GOLM1: variants seen among roughly 807,000 people sequenced by gnomAD.
The protein encoded by GOLM1 is epididymis luminal protein 46.
In GOLM1, 31 loss-of-function variants were observed where a neutral mutation model predicts 50.5. The ratio of observed to expected loss-of-function variants is 0.61; its 90% CI spans 0.46 to 0.83. The LOEUF is 0.83. GOLM1 is among the 40% of genes least tolerant of loss of function. The pLI, the probability that GOLM1 is intolerant of heterozygous loss-of-function variation, is 0.00. For synonymous variants in GOLM1, 178 were observed against 192.8 expected (o/e 0.92, Z 0.64); for missense variants, 491 against 501.3 (o/e 0.98, Z 0.20).
intron 6 of GOLM1, among the ~76,000 whole-genome samples, chr9:86,039,926 C>G (rs1833280246): frequency 6.6e-6 from 1 of 151,244 alleles, no homozygotes; most frequent in Non-Finnish European, 1.5e-5. Flanking sequence ...TGAGATCGCG[C>G]CACTGCACTC....
chr9:86,030,066 C>G (rs1253030798), intron 9 of GOLM1, among the ~76,000 whole-genome samples: 1 of 151,862 alleles, frequency 6.6e-6, no homozygotes, highest in African/African-American at 2.4e-5. Flanking sequence ...ACAAAATTAG[C>G]TGGGCATGGT....
rs1833099864 is a variant in GOLM1 at position 86,035,377 on chromosome 9, C to T, written c.1006G>A (p.Ala336Thr). 6.2e-7 allele frequency: 1 copy of T among 1,613,406 alleles called. No homozygotes were observed. The highest frequency in any genetic ancestry group is 1.1e-5 in the South Asian group (1 of 91,054). ...GAAACTTCACACCCACCTTCCCCGG[C>T]AGCTTCCTGCTCCTCCTCCTGTCCG... is the stretch of plus-strand genomic sequence containing the variant. ...PDGQEEEQEAAGEGRNQQKLR... is the reference protein window; with the variant it reads ...PDGQEEEQEATGEGRNQQKLR... The change falls in exon 8 of 10, where the codon GCC becomes ACC. Residue 336 changes from alanine (A) to threonine (T), a missense_variant. By Grantham distance (58) the Ala-to-Thr change is moderately conservative (BLOSUM62 0). Transcript: ENST00000388712.
At chr9:86,035,883 C>CAAAAAA (rs1352651455) in intron 7 of GOLM1, among the ~76,000 whole-genome samples, 1 of 99,438 alleles carries the variant, frequency 1.0e-5, no homozygotes, top group Non-Finnish European at 2.0e-5. Flanking sequence ...AAAAACAAAA[C>CAAAAAA]AAAAAAAAAA....
intron 1 of GOLM1, among the ~76,000 whole-genome samples, chr9:86,093,882 T>A (rs1478997477): frequency 6.6e-6 from 1 of 152,246 alleles, no homozygotes; most frequent in Non-Finnish European, 1.5e-5. Flanking sequence ...CAGATTAGCA[T>A]GTTTGACCAA....
intron 5 of GOLM1, among the ~76,000 whole-genome samples, chr9:86,041,821 T>C (rs1428820004): frequency 6.6e-6 from 1 of 152,052 alleles, no homozygotes; most frequent in Non-Finnish European, 1.5e-5. Context: ...GTGGGTAGTA[T>C]CAAAACTTGA....
At chr9:86,095,889 C>A (rs978150698) in intron 1 of GOLM1, among the ~76,000 whole-genome samples, 46 of 152,182 alleles carry the variant, frequency 3.0e-4, no homozygotes, top group Non-Finnish European at 1.5e-5. Context: ...GCTTCCTTAG[C>A]GGTACTGTTG....
chr9:86,092,174 T>A (rs1217520127), intron 1 of GOLM1, among the ~76,000 whole-genome samples: 1 of 152,216 alleles, frequency 6.6e-6, no homozygotes, highest in Non-Finnish European at 1.5e-5. Flanking sequence ...GAGGATTCAG[T>A]GAGTTGAGTG....
At chr9:86,076,183 C>A (rs1013566600) in intron 3 of GOLM1, among the ~76,000 whole-genome samples, 7 of 151,870 alleles carry the variant, frequency 4.6e-5, no homozygotes, top group African/African-American at 1.7e-4. Context: ...CTTTGGGAGG[C>A]CAAGACGGGT....
chr9:86,052,715 C>T, intron 3 of GOLM1, 124 bp from the exon 4 acceptor site: 2 of 762,300 alleles, frequency 2.6e-6, no homozygotes, highest in South Asian at 1.5e-5. Context: ...AAGGAGCTCG[C>T]ACTCAGCGCT....
At chr9:86,031,461 T>TC (rs1832979994) in intron 9 of GOLM1, among the ~76,000 whole-genome samples, 1 of 145,582 alleles carries the variant, frequency 6.9e-6, no homozygotes, top group South Asian at 2.3e-4. Context: ...TTTTTTTTTT[T>TC]TTTTTTTTTT....
chr9:86,064,622 C>A (rs1193731386), intron 3 of GOLM1, among the ~76,000 whole-genome samples: 1 of 152,198 alleles, frequency 6.6e-6, no homozygotes, highest in Admixed American at 6.5e-5. Context: ...TGCTCCATCA[C>A]AGCTTAAACC....
In GOLM1 at chr9:86,027,335, A is replaced by C; in HGVS notation, c.*482T>G. On this transcript the variant is annotated 3_prime_UTR_variant, in exon 10 of 10. Transcript: ENST00000388712. ...TGATTGATTGTCAGAATCAGAAGTG[A>C]CTACACAAGAGCATTAGCCAGACTT... 1.0e-6 allele frequency: 1 copy of C among 986,982 alleles called. No homozygotes were observed. The highest frequency in any genetic ancestry group is 1.2e-6 in the Non-Finnish European group (1 of 831,084). 61.1% of individuals were successfully genotyped at this position (986,982 alleles called of 1,614,324 possible).
In GOLM1 at chr9:86,099,520, T is replaced by C. The variant is rs1363038069; in HGVS notation, c.-131A>G. 6.7e-6 allele frequency: 1 copy of C among 148,848 alleles called. No homozygotes were observed. Among genetic ancestry groups the C allele is most frequent in the South Asian group, 2.1e-4 (1 of 4,762 alleles). The allele number at this position is 148,848 out of a possible 1,614,324, so 9.2% of individuals were successfully genotyped here. On this transcript the variant is annotated 5_prime_UTR_variant, in exon 1 of 10. Transcript: ENST00000388712. ...TCGAGCTCCGGCCGGCTCCGCGCCG[T>C]GCGCCCAGCGCCTCCGCGTCCAGCG...
At chr9:86,040,401 C>G (rs1833300661) in intron 6 of GOLM1, among the ~76,000 whole-genome samples, 1 of 152,206 alleles carries the variant, frequency 6.6e-6, no homozygotes, top group South Asian at 2.1e-4. Flanking sequence ...TGGGCTCTAC[C>G]ACTGACCAGG....
chr9:86,084,836 T>TA (rs1461733108), intron 1 of GOLM1: 1 of 152,092 alleles, frequency 6.6e-6, no homozygotes. Context: ...GATCACGAGG[T>TA]CAGGAGTTCA....
At chr9:86,061,098 A>C (rs1834150423) in intron 3 of GOLM1, among the ~76,000 whole-genome samples, 1 of 151,968 alleles carries the variant, frequency 6.6e-6, no homozygotes, top group African/African-American at 2.4e-5. Flanking sequence ...GTAATCGCTG[A>C]AGCTTGGCAC....
At chr9:86,088,362 C>T (rs528795784) in intron 1 of GOLM1, among the ~76,000 whole-genome samples, 50 of 142,890 alleles carry the variant, frequency 3.5e-4, no homozygotes, top group Non-Finnish European at 5.1e-4. Context: ...AGCAGTCTAT[C>T]TATTTTGTTA....
chr9:86,053,288 C>CCACACAA (rs1833835847), intron 3 of GOLM1, among the ~76,000 whole-genome samples: 1 of 142,886 alleles, frequency 7.0e-6, no homozygotes, highest in South Asian at 2.3e-4. Context: ...ACACACCATT[C>CCACACAA]CACACCACAC....
intron 1 of GOLM1, among the ~76,000 whole-genome samples, chr9:86,087,061 A>G (rs995068205): frequency 6.6e-6 from 1 of 152,090 alleles, no homozygotes; most frequent in African/African-American, 2.4e-5. Flanking sequence ...CATTTTCACG[A>G]TATTGATTCT....
Sources: allele counts gnomAD v4.1 joint callset (sites outside exome capture counted in the v4.1 genomes callset), GRCh38; gene constraint gnomAD v4.1.1; transcripts MANE v1.5; gene names NCBI Gene and HGNC (gene_info 2026-07-23, HGNC 2026-07-21).